Variants in ZNF787 observed in about 807,000 individuals in gnomAD.
The protein encoded by ZNF787 is zinc finger protein 787.
ZNF787 carries 7 observed loss-of-function variants against 16.9 expected under a neutral mutation model. That is an observed-to-expected ratio of 0.42 (90% CI 0.24 to 0.78). ZNF787 has a LOEUF of 0.78. Ranked by LOEUF, ZNF787 falls within the 30% of genes least tolerant of loss-of-function variation. The pLI is 0.30. For synonymous variants in ZNF787, 345 were observed against 270.9 expected (o/e 1.27, Z -2.69); for missense variants, 551 against 589.3 (o/e 0.94, Z 0.67).
In ZNF787 at chr19:56,088,002, C is replaced by CCCTGCCCG. The variant is rs1985378053; in HGVS notation, c.*20_*21insCGGGCAGG. 6.6e-5 allele frequency: 3 copies of CCCTGCCCG among 45,538 alleles called. No homozygotes were observed. Among genetic ancestry groups the CCCTGCCCG allele is most frequent in the East Asian group, 4.2e-4 (3 of 7,066 alleles). 2.8% of individuals were successfully genotyped at this position (45,538 alleles called of 1,614,324 possible). On this transcript the variant is annotated 3_prime_UTR_variant, in exon 3 of 3. Coordinates refer to ENST00000610935, the MANE Select transcript of ZNF787 (RefSeq NM_001002836.4). This position sits in a 1 kb window ranked among gnomAD's most constrained non-coding sequence, Gnocchi z 8.6. Reference sequence around the variant, plus strand: ...GCCAAGCCCGAGGGGCCCTGCCCGCCCCCCCCCCCGGGCCCCTCCCCTACC... The same window carrying CCCTGCCCG: ...GCCAAGCCCGAGGGGCCCTGCCCGCCCCTGCCCGCCCCCCCCCGGGCCCCTCCCCTACC...
intron 2 of ZNF787, among the ~76,000 whole-genome samples, chr19:56,098,482 T>A (rs1200065479): frequency 2.1e-5 from 3 of 144,206 alleles, no homozygotes; most frequent in Non-Finnish European, 4.5e-5. Flanking sequence ...CGCAAGGTGA[T>A]GCCGCCCGGG....
In ZNF787 at chr19:56,121,239, G is replaced by C. The variant is rs1353838801; in HGVS notation, c.-78C>G. 1 of 149,518 alleles carries C rather than the reference G, an allele frequency of 6.7e-6. No homozygotes were observed. 9.3% of individuals were successfully genotyped at this position (149,518 alleles called of 1,614,324 possible). Reference sequence around the variant, plus strand: ...CTCCTGCCTCGCGGATGGTGGCAGCGGCGGCAGCGGCGACTCAGACCCTGG... The same window carrying C: ...CTCCTGCCTCGCGGATGGTGGCAGCCGCGGCAGCGGCGACTCAGACCCTGG... On this transcript the variant is annotated 5_prime_UTR_variant, in exon 1 of 3. Coordinates refer to ENST00000610935, the MANE Select transcript of ZNF787 (RefSeq NM_001002836.4).
chr19:56,101,259 CG>C (rs1330503039), intron 2 of ZNF787, among the ~76,000 whole-genome samples: 1 of 152,228 alleles, frequency 6.6e-6, no homozygotes, highest in Non-Finnish European at 1.5e-5. Context: ...GGGAGTTACG[CG>C]AACGCCGGAC....
rs918143269 is a variant in ZNF787 at position 56,087,915 on chromosome 19, G to A, written c.*108C>T. ...GAGGGCGGGGAGCCGGGGATGCCGC[G>A]GGGTCCATCGCACCCCGTCCGCTTC... On this transcript the variant is annotated 3_prime_UTR_variant, in exon 3 of 3. Coordinates refer to ENST00000610935, the MANE Select transcript of ZNF787 (RefSeq NM_001002836.4). The A allele has an allele frequency of 8.5e-5, 108 of 1,276,822 alleles. No individual in the cohort carries two copies. Among genetic ancestry groups the A allele is most frequent in the Middle Eastern group, 6.1e-4 (2 of 3,264 alleles). 79.1% of individuals were successfully genotyped at this position (1,276,822 alleles called of 1,614,324 possible).
intron 1 of ZNF787, among the ~76,000 whole-genome samples, chr19:56,117,823 C>T (rs958989472): frequency 6.6e-5 from 10 of 152,342 alleles, no homozygotes; most frequent in South Asian, 4.1e-4. Context: ...CTCAGGAATC[C>T]ATGGCTCTGA....
intron 1 of ZNF787, among the ~76,000 whole-genome samples, chr19:56,111,010 G>GC (rs1188627750): frequency 2.0e-5 from 3 of 152,322 alleles, no homozygotes; most frequent in African/African-American, 4.8e-5. Flanking sequence ...GCCTCAAACT[G>GC]CCCCCCAGAT....
chr19:56,116,472 G>A lies in ZNF787; in HGVS notation c.-11+4700C>T, dbSNP rs149710259. 1.2e-3 allele frequency among the ~76,000 whole-genome samples: 182 copies of A among 152,010 alleles called. 1 individual carries two copies. Among genetic ancestry groups the A allele is most frequent in the Middle Eastern group, 3.4e-3 (1 of 294 alleles). ...AAATAAATAAATAAATAAAGCCCCTGGTCACCACTCAGGTGGCTGAGGAGG... is the reference window on the plus strand; with the variant it reads ...AAATAAATAAATAAATAAAGCCCCTAGTCACCACTCAGGTGGCTGAGGAGG... On this transcript the variant is annotated intron_variant, in intron 1 of 2. Coordinates refer to ENST00000610935, the MANE Select transcript of ZNF787 (RefSeq NM_001002836.4).
chr19:56,105,465 T>C (rs529770783), intron 1 of ZNF787: 2 of 152,344 alleles, frequency 1.3e-5, no homozygotes, highest in African/African-American at 4.8e-5. Flanking sequence ...GTTACGGATC[T>C]CTTTGTTCCT....
chr19:56,091,916 C>CT (rs1157436569), intron 2 of ZNF787, among the ~76,000 whole-genome samples: 1 of 48,246 alleles, frequency 2.1e-5, no homozygotes, highest in East Asian at 3.3e-4. Context: ...GCAGCCGCAG[C>CT]CGCAGCCGAA....
chr19:56,118,287 T>C (rs775056513), intron 1 of ZNF787, among the ~76,000 whole-genome samples: 26 of 152,292 alleles, frequency 1.7e-4, no homozygotes, highest in Non-Finnish European at 3.2e-4. Context: ...CTTCTCCCAC[T>C]ATGCTGGGGT....
chr19:56,088,015 C>A lies in ZNF787; in HGVS notation c.*8G>T, dbSNP rs1168354085. The A allele has an allele frequency of 8.3e-7, 1 of 1,204,320 alleles. No homozygotes were observed. Among genetic ancestry groups the A allele is most frequent in the Non-Finnish European group, 1.0e-6 (1 of 968,720 alleles). 74.6% of individuals were successfully genotyped at this position (1,204,320 alleles called of 1,614,324 possible). A position where few individuals can be genotyped will look rare whatever the true frequency, so the allele number is the denominator to read the frequency against. On this transcript the variant is annotated 3_prime_UTR_variant, in exon 3 of 3. Coordinates refer to ENST00000610935, the MANE Select transcript of ZNF787 (RefSeq NM_001002836.4). The surrounding 1 kb of genome is among the most constrained non-coding windows in gnomAD (Gnocchi z 8.6). ...GGCCCTGCCCGCCCCCCCCCCCGGGCCCCTCCCCTACCGGCCCTCCCCACC... is the reference window on the plus strand; with the variant it reads ...GGCCCTGCCCGCCCCCCCCCCCGGGACCCTCCCCTACCGGCCCTCCCCACC...
chr19:56,111,563 T>C (rs772539099), intron 1 of ZNF787, among the ~76,000 whole-genome samples: 8 of 151,190 alleles, frequency 5.3e-5, no homozygotes, highest in Non-Finnish European at 8.8e-5. Context: ...ACAAATTCCA[T>C]AGCCAGAGGG....
chr19:56,092,046 G>GTCTCAC (rs1555775558), intron 2 of ZNF787, among the ~76,000 whole-genome samples: 13 of 133,866 alleles, frequency 9.7e-5, no homozygotes, highest in African/African-American at 3.9e-4. Context: ...CGAAGCCGAA[G>GTCTCAC]CCTCACCCTC....
chr19:56,112,878 T>TGGGCCCCCC, intron 1 of ZNF787, among the ~76,000 whole-genome samples: 1 of 126,462 alleles, frequency 7.9e-6, no homozygotes, highest in South Asian at 2.9e-4. Context: ...GACCAGCCGT[T>TGGGCCCCCC]CCCCCCACCC....
intron 1 of ZNF787, among the ~76,000 whole-genome samples, chr19:56,109,445 C>A (rs1412697760): frequency 1.3e-5 from 2 of 152,172 alleles, no homozygotes; most frequent in African/African-American, 4.8e-5. Flanking sequence ...GGAGCTGAGG[C>A]TGAGAGACAG....
rs544081454 is a variant in ZNF787, at chr19:56,088,486, G to GCCGCCA, written c.680_685dup (p.Val227_Ala228dup). On this transcript the variant is annotated inframe_insertion, in exon 3 of 3. Transcript: ENST00000610935. This position sits in a 1 kb window ranked among gnomAD's most constrained non-coding sequence, Gnocchi z 8.6. ...CACGGGGATGGCGATCTCGCCGTCC[G>GCCGCCA]CCGCCACCGCCTCTTCGGGCCCCTT... is the stretch of plus-strand genomic sequence containing the variant. The GCCGCCA allele has an allele frequency of 7.4e-7, 1 of 1,350,454 alleles. No individual in the cohort carries two copies. 83.7% of individuals were successfully genotyped at this position (1,350,454 alleles called of 1,614,324 possible).
intron 1 of ZNF787, among the ~76,000 whole-genome samples, chr19:56,114,497 T>C (rs546879963): frequency 3.8e-4 from 54 of 140,558 alleles, no homozygotes; most frequent in African/African-American, 1.2e-3. Flanking sequence ...GGGGCCGGGC[T>C]CATTCCTCCA....
At chr19:56,112,338 C>CT (rs2030004336) in intron 1 of ZNF787, among the ~76,000 whole-genome samples, 1 of 152,192 alleles carries the variant, frequency 6.6e-6, no homozygotes, top group Non-Finnish European at 1.5e-5. Context: ...GTCTCAGGCT[C>CT]TCCCAGCCTC....
In ZNF787 at chr19:56,088,932, C is replaced by T; in HGVS notation, c.240G>A (p.Lys80=). ...ECGKSFSHWS[K]LTRHQRTHTG... ...TGTGCGTGCGCTGGTGCCGCGTCAGCTTGGACCAGTGGCTAAAGCTCTTGC... is the reference window on the plus strand; with the variant it reads ...TGTGCGTGCGCTGGTGCCGCGTCAGTTTGGACCAGTGGCTAAAGCTCTTGC... Residue 80 remains lysine, a synonymous_variant, in exon 3 of 3, where the codon AAG becomes AAA. Coordinates refer to ENST00000610935, the MANE Select transcript of ZNF787 (RefSeq NM_001002836.4). This position sits in a 1 kb window ranked among gnomAD's most constrained non-coding sequence, Gnocchi z 8.6. The T allele has an allele frequency of 2.5e-6, 4 of 1,584,806 alleles. No individual in the cohort carries two copies. The highest frequency in any genetic ancestry group is 1.4e-5 in the African/African-American group (1 of 73,540).
Sources: allele counts gnomAD v4.1 joint callset (sites outside exome capture counted in the v4.1 genomes callset), GRCh38; gene constraint gnomAD v4.1.1; non-coding constraint Gnocchi (gnomAD v3.1); transcripts MANE v1.5; gene names NCBI Gene and HGNC (gene_info 2026-07-23, HGNC 2026-07-21).